Variants in RTEL1 observed in about 807,000 individuals in gnomAD.
RTEL1 encodes regulator of telomere elongation helicase 1, also known as regulator of telomere length.
Under a neutral mutation model 162.2 loss-of-function variants are expected in RTEL1, and 86 were observed. That is an observed-to-expected ratio of 0.53 (90% CI 0.45 to 0.63). RTEL1 has a LOEUF of 0.63. RTEL1 is among the 30% of genes least tolerant of loss of function. The probability of loss-of-function intolerance (pLI) is 0.00; values close to 1 mark genes in which losing one functional copy is unlikely to be tolerated. For missense variants in RTEL1, 1,941 were observed against 1,750.2 expected (o/e 1.11, Z -1.95); for synonymous variants, 958 against 717.9 (o/e 1.33, Z -5.35).
At chr20:63,683,313 C>CT (rs991440792) in intron 14 of RTEL1, among the ~76,000 whole-genome samples, 6 of 152,216 alleles carry the variant, frequency 3.9e-5, no homozygotes, top group African/African-American at 1.2e-4. Flanking sequence ...AGACTCAGCC[C>CT]TGCTCATGGC....
At chr20:63,659,704 CCCTCCACACCTGTG>C (rs2089979598) in intron 2 of RTEL1, among the ~76,000 whole-genome samples, 200 bp downstream of exon 2, 1 of 152,138 alleles carries the variant, frequency 6.6e-6, no homozygotes, top group Non-Finnish European at 1.5e-5. Context: ...GGGGGCCGGC[CCCTCCACACCTGTG>C]GGTATTTCTC....
intron 14 of RTEL1, chr20:63,681,460 G>T (rs2090476166): frequency 1.0e-6 from 1 of 985,222 alleles, no homozygotes; most frequent in South Asian, 4.7e-5. Context: ...TGCCCACGCT[G>T]TACCTGCTGG....
Position 63,694,366 on chromosome 20 carries a change from C to T in RTEL1, c.2993-6C>T, listed in dbSNP as rs1221404939. ...CCAGCTTTGTGGCTCTACATCTCTT[C>T]ATCAGGAAGAACGGCGCCGGATCCC... On this transcript the variant is annotated splice_polypyrimidine_tract_variant and splice_region_variant and intron_variant, in intron 30 of 34. Transcript: ENST00000360203. 7.3e-6 allele frequency: 11 copies of T among 1,501,594 alleles called. No homozygotes were observed. The highest frequency in any genetic ancestry group is 9.9e-6 in the Non-Finnish European group (11 of 1,109,810). 93.0% of individuals were successfully genotyped at this position (1,501,594 alleles called of 1,614,324 possible). A position where few individuals can be genotyped will look rare whatever the true frequency, so the allele number is the denominator to read the frequency against.
chr20:63,678,196 C>T lies in RTEL1; in HGVS notation c.958+13C>T, dbSNP rs2090395467. On this transcript the variant is annotated intron_variant, in intron 11 of 34. Coordinates refer to ENST00000360203, the MANE Select transcript of RTEL1 (RefSeq NM_001283009.2). ...GCAAAGCTGAAGAGTAAGTGTTGCC[C>T]TCCCCGCCTCCTTGCAGCTGGGTGG... 6.2e-7 allele frequency: 1 copy of T among 1,613,870 alleles called. No individual in the cohort carries two copies. Among genetic ancestry groups the T allele is most frequent in the Non-Finnish European group, 8.5e-7 (1 of 1,179,896 alleles).
At chr20:63,694,552 C>CT in intron 31 of RTEL1, 64 bp downstream of exon 31, 8 of 1,391,572 alleles carry the variant, frequency 5.7e-6, no homozygotes, top group Non-Finnish European at 7.0e-6. Flanking sequence ...CTTCACGAGG[C>CT]TAACTCTTGA....
chr20:63,659,509 A>G lies in RTEL1; in HGVS notation c.102+5A>G. 6.2e-7 allele frequency: 1 copy of G among 1,607,218 alleles called. No individual in the cohort carries two copies. The highest frequency in any genetic ancestry group is 8.5e-7 in the Non-Finnish European group (1 of 1,173,682). On this transcript the variant is annotated splice_donor_5th_base_variant and intron_variant, in intron 2 of 34. Transcript: ENST00000360203. The stretch of plus-strand genomic sequence containing the variant: ...GTCCTGGAATGTCTGCAGCAGGTAG[A>G]GCACAGGCCCCGAGGAAAGGACTGC...
In RTEL1 at chr20:63,695,185, G is replaced by T. The variant is rs149145821; in HGVS notation, c.3463G>T (p.Val1155Leu). The T allele has an allele frequency of 6.2e-7, 1 of 1,612,096 alleles. No individual in the cohort carries two copies. Among genetic ancestry groups the T allele is most frequent in the Non-Finnish European group, 8.5e-7 (1 of 1,179,800 alleles). Residue 1155 changes from valine to leucine, a missense_variant, in exon 33 of 35, where the codon GTG becomes TTG. Physicochemically the swap from Val to Leu is conservative, Grantham distance 32. Coordinates refer to ENST00000360203, the MANE Select transcript of RTEL1 (RefSeq NM_001283009.2). ...PPGPQEERLA[V>L]PPVLTHRAPQ... ...GGGACCCCAGGAGGAGAGGCTTGCCGTGCCTCCTGTGCTTACCCACAGGGC... is the reference window on the plus strand; with the variant it reads ...GGGACCCCAGGAGGAGAGGCTTGCCTTGCCTCCTGTGCTTACCCACAGGGC...
In RTEL1 at chr20:63,688,840, C is replaced by T. The variant is rs1166679032; in HGVS notation, c.1801-215C>T. The T allele has an allele frequency of 6.2e-6, 4 of 642,772 alleles. No homozygotes were observed. The Admixed American group carries it at 1.1e-4, about 18-fold the overall frequency. 39.8% of individuals were successfully genotyped at this position (642,772 alleles called of 1,614,324 possible). On this transcript the variant is annotated intron_variant, in intron 21 of 34. Transcript: ENST00000360203. ...TCCTGTCTGAGTAGCCCTAGTCGGC[C>T]ACCCTGGCCCTGGGGTTCCCCGTGT...
intron 16 of RTEL1, chr20:63,686,340 G>C (rs2090592250): frequency 1.0e-5 from 2 of 200,696 alleles, no homozygotes; most frequent in Non-Finnish European, 1.0e-5. Flanking sequence ...TTGGCTTCCT[G>C]TGCTCCGTGG....
At position 63,665,995 on chromosome 20, in the gene RTEL1, C is replaced by T. The variant is rs781419094; in HGVS notation, c.539-9C>T. 6.8e-6 allele frequency: 11 copies of T among 1,613,676 alleles called. No individual in the cohort carries two copies. Among genetic ancestry groups the T allele is most frequent in the Middle Eastern group, 3.3e-4 (2 of 6,080 alleles). ...AGGGTGTGTGTTTACCCCTGCCTCA[C>T]ACCTGCAGAAAAAAGCCTGGAGCAG... On this transcript the variant is annotated splice_polypyrimidine_tract_variant and intron_variant, in intron 6 of 34. Transcript: ENST00000360203.
intron 16 of RTEL1, 73 bp downstream of exon 16, chr20:63,685,945 C>T (rs2090583198): frequency 7.0e-7 from 1 of 1,432,938 alleles, no homozygotes; most frequent in Admixed American, 1.9e-5. Flanking sequence ...ACAGGCTAGG[C>T]ACATGCCCAG....
intron 4 of RTEL1, 58 bp from the exon 5 acceptor site, chr20:63,662,488 C>G: frequency 6.2e-7 from 1 of 1,604,274 alleles, no homozygotes; most frequent in Non-Finnish European, 8.5e-7. Flanking sequence ...CGCTGCAGGG[C>G]CACGCTGTGG....
chr20:63,689,338 G>A (rs2090670165), intron 22 of RTEL1, among the ~76,000 whole-genome samples, 164 bp from the exon 23 acceptor site: 1 of 152,188 alleles, frequency 6.6e-6, no homozygotes, highest in South Asian at 2.1e-4. Context: ...AGTTGGAGGT[G>A]GCGTCTGGGA....
At chr20:63,688,497 G>A (rs771974196) in intron 20 of RTEL1, 31 bp from the exon 21 acceptor site, 1 of 1,607,066 alleles carries the variant, frequency 6.2e-7, no homozygotes, top group East Asian at 2.2e-5. Flanking sequence ...CGTGACCAGG[G>A]CTGCCGTGTC....
intron 16 of RTEL1, chr20:63,686,659 T>G (rs960237890): frequency 6.6e-6 from 1 of 152,488 alleles, no homozygotes; most frequent in Non-Finnish European, 1.5e-5. Context: ...TGGTTGGGTC[T>G]GCCTGGCCGA....
intron 14 of RTEL1, among the ~76,000 whole-genome samples, chr20:63,683,568 C>T (rs936905360): frequency 1.3e-5 from 2 of 152,246 alleles, no homozygotes; most frequent in African/African-American, 4.8e-5. Context: ...CTCTGTGTTC[C>T]AGCCGTGGTG....
chr20:63,675,112 C>T (rs1247297752), intron 10 of RTEL1, among the ~76,000 whole-genome samples: 4 of 152,158 alleles, frequency 2.6e-5, no homozygotes, highest in Non-Finnish European at 5.9e-5. Flanking sequence ...TCCGTGTTGG[C>T]CAGGCTGGTC....
intron 30 of RTEL1, among the ~76,000 whole-genome samples, 200 bp downstream of exon 30, chr20:63,693,483 A>ACCACCACCACCT (rs2090843638): frequency 8.4e-5 from 3 of 35,850 alleles, no homozygotes; most frequent in Non-Finnish European, 1.6e-4. Flanking sequence ...CTCCACCTCC[A>ACCACCACCACCT]CCACCACCTC....
At chr20:63,678,500 A>G (rs1601133664) in intron 12 of RTEL1, among the ~76,000 whole-genome samples, 154 bp downstream of exon 12, 1 of 152,154 alleles carries the variant, frequency 6.6e-6, no homozygotes, top group East Asian at 1.9e-4. Flanking sequence ...GCTTTGCATG[A>G]TCTGGTTGCT....
Sources: gnomAD v4.1 joint callset for allele counts (sites outside exome capture counted in the v4.1 genomes callset) on GRCh38, gnomAD v4.1.1 for gene constraint, MANE v1.5 for transcripts, NCBI Gene and HGNC (gene_info 2026-07-23, HGNC 2026-07-21) for gene names.